Variants in PRKG1 observed in about 807,000 individuals in gnomAD.
PRKG1 encodes the protein protein kinase cGMP-dependent 1.
In PRKG1, 35 loss-of-function variants were observed where a neutral mutation model predicts 88.1. The ratio of observed to expected loss-of-function variants is 0.40; its 90% CI spans 0.30 to 0.53. PRKG1 has a LOEUF of 0.53. Ranked by LOEUF, PRKG1 falls within the 20% of genes least tolerant of loss-of-function variation. PRKG1 has a pLI of 0.59. For synonymous variants in PRKG1, 303 were observed against 292.5 expected (o/e 1.04, Z -0.37); for missense variants, 540 against 839.8 (o/e 0.64, Z 4.41).
chr10:52,209,454 T>TATTA (rs1463381499), intron 9 of PRKG1, among the ~76,000 whole-genome samples: 1 of 152,214 alleles, frequency 6.6e-6, no homozygotes, highest in Admixed American at 6.5e-5. Context: ...TTGAGTTGTC[T>TATTA]ATTACCAATT....
chr10:51,072,141 G>A (rs758832142), upstream of PRKG1, among the ~76,000 whole-genome samples: 8 of 152,158 alleles, frequency 5.3e-5, no homozygotes, highest in Non-Finnish European at 1.2e-4. Flanking sequence ...GTTGCAGGGA[G>A]CTGAGATTGC....
At chr10:51,248,197 A>G (rs1839341871) in intron 2 of PRKG1, among the ~76,000 whole-genome samples, 1 of 151,810 alleles carries the variant, frequency 6.6e-6, no homozygotes, top group South Asian at 2.1e-4. Context: ...ACAGTTATTG[A>G]CCTATAGGGC....
Position 51,201,546 on chromosome 10 carries a change from T to C in PRKG1, c.478+48216T>C, listed in dbSNP as rs183944505. Among the ~76,000 whole-genome samples the C allele has an allele frequency of 4.7e-3, 716 of 152,348 alleles. 5 individuals are homozygous for C. The highest frequency in any genetic ancestry group is 6.5e-3 in the Non-Finnish European group (442 of 68,034). On this transcript the variant is annotated intron_variant, in intron 2 of 17. Coordinates refer to ENST00000373980, the MANE Select transcript of PRKG1 (RefSeq NM_006258.4). Reference sequence around the variant, plus strand: ...TGTTCATTTATTAACCTGTCATTAGTAAATGCTATGGAATAAATGCCTGTG... The same window carrying C: ...TGTTCATTTATTAACCTGTCATTAGCAAATGCTATGGAATAAATGCCTGTG...
At chr10:51,141,947 T>A (rs1034995108) in intron 1 of PRKG1, among the ~76,000 whole-genome samples, 5 of 152,190 alleles carry the variant, frequency 3.3e-5, no homozygotes, top group Non-Finnish European at 5.9e-5. Flanking sequence ...AATCTGCCAT[T>A]TTGCAGTTTT....
intron 7 of PRKG1, among the ~76,000 whole-genome samples, chr10:52,110,072 G>A (rs996875488): frequency 2.6e-5 from 4 of 151,926 alleles, no homozygotes; most frequent in Non-Finnish European, 5.9e-5. Flanking sequence ...TAGGCCGGGC[G>A]CCGTGGCTCA....
At chr10:52,222,765 A>T (rs1346115410) in intron 9 of PRKG1, among the ~76,000 whole-genome samples, 1 of 152,212 alleles carries the variant, frequency 6.6e-6, no homozygotes, top group Non-Finnish European at 1.5e-5. Flanking sequence ...ACCACATATT[A>T]TGCAGTCGTT....
chr10:51,195,589 C>T (rs1018504753), intron 2 of PRKG1, among the ~76,000 whole-genome samples: 3 of 152,130 alleles, frequency 2.0e-5, no homozygotes, highest in African/African-American at 7.2e-5. Flanking sequence ...GCATAAAGTT[C>T]TCTGAACGAT....
At chr10:51,831,474 G>A (rs10823682) in intron 4 of PRKG1, among the ~76,000 whole-genome samples, 31,851 of 152,072 alleles carry the variant, frequency 0.21, 5,363 homozygotes, top group African/African-American at 0.47. Flanking sequence ...ATTTCTTCAT[G>A]TAAGAGGAAA....
chr10:51,542,508 A>G (rs1842331053), intron 3 of PRKG1, among the ~76,000 whole-genome samples: 1 of 152,164 alleles, frequency 6.6e-6, no homozygotes, highest in African/African-American at 2.4e-5. Flanking sequence ...ACAAACTGTA[A>G]TCTTTCTTCT....
chr10:52,193,591 T>C (rs1839430328), intron 9 of PRKG1, among the ~76,000 whole-genome samples: 1 of 147,266 alleles, frequency 6.8e-6, no homozygotes, highest in Non-Finnish European at 1.5e-5. Flanking sequence ...AAAAAACTAT[T>C]CCAAATGTCA....
chr10:51,125,773 A>T (rs1845381490), intron 1 of PRKG1, among the ~76,000 whole-genome samples: 2 of 145,266 alleles, frequency 1.4e-5, no homozygotes, highest in Non-Finnish European at 3.0e-5. Context: ...ATATATTTTT[A>T]ATTTAATTAT....
chr10:51,766,399 A>G (rs1222655304), intron 3 of PRKG1, among the ~76,000 whole-genome samples: 1 of 151,974 alleles, frequency 6.6e-6, no homozygotes, highest in Non-Finnish European at 1.5e-5. Context: ...AGAATTTTCC[A>G]TTGTGGGCAT....
At chr10:51,541,440 T>G (rs1346804526) in intron 3 of PRKG1, among the ~76,000 whole-genome samples, 1 of 152,190 alleles carries the variant, frequency 6.6e-6, no homozygotes, top group African/African-American at 2.4e-5. Flanking sequence ...AGTAAACTAT[T>G]TCTTGGATCC....
chr10:51,301,725 G>A (rs1396012479), intron 2 of PRKG1, among the ~76,000 whole-genome samples: 1 of 152,128 alleles, frequency 6.6e-6, no homozygotes, highest in Non-Finnish European at 1.5e-5. Flanking sequence ...TCACCAGTGT[G>A]GGGACCACTT....
intron 2 of PRKG1, among the ~76,000 whole-genome samples, chr10:51,213,215 G>A (rs970803512): frequency 1.3e-5 from 2 of 151,162 alleles, no homozygotes; most frequent in Non-Finnish European, 1.5e-5. Context: ...CTATCGCAAG[G>A]ACAAAAAACC....
chr10:51,469,883 T>G (rs530364151), intron 3 of PRKG1, among the ~76,000 whole-genome samples: 1 of 152,036 alleles, frequency 6.6e-6, no homozygotes, highest in South Asian at 2.1e-4. Flanking sequence ...TACAGAGGTT[T>G]TGTGCATGAA....
intron 2 of PRKG1, among the ~76,000 whole-genome samples, chr10:51,189,036 G>C (rs1411101701): frequency 6.6e-6 from 1 of 151,796 alleles, no homozygotes; most frequent in East Asian, 1.9e-4. Context: ...CATTAAGAAA[G>C]TCATAACCTA....
chr10:51,398,747 G>T (rs112822802), intron 2 of PRKG1, among the ~76,000 whole-genome samples: 1,776 of 152,302 alleles, frequency 0.012, 30 homozygotes, highest in African/African-American at 0.04. Context: ...AAAGCAGACT[G>T]CTTTACGCAC....
At chr10:52,293,462 T>C (rs947375064) in intron 17 of PRKG1, among the ~76,000 whole-genome samples, 3 of 152,192 alleles carry the variant, frequency 2.0e-5, no homozygotes, top group Non-Finnish European at 2.9e-5. Context: ...AAGTCAATCC[T>C]GAGCCAAAGA....
Sources: allele counts gnomAD v4.1 joint callset (sites outside exome capture counted in the v4.1 genomes callset), GRCh38; gene constraint gnomAD v4.1.1; transcripts MANE v1.5; gene names NCBI Gene and HGNC (gene_info 2026-07-23, HGNC 2026-07-21).